Variants in INO80 observed in about 807,000 individuals in gnomAD.
INO80 encodes the protein INO80 complex ATPase subunit, also known as chromatin-remodeling ATPase INO80.
A neutral mutation model predicts 203.4 loss-of-function variants in INO80; 20 were observed. That is an observed-to-expected ratio of 0.10 (90% CI 0.07 to 0.14). INO80 has a LOEUF of 0.14. Among genes scored for constraint, INO80 ranks in the 10% least tolerant of loss-of-function variants. The pLI is 1.00. For missense variants in INO80, 1,419 were observed against 1,914.4 expected, an observed-to-expected ratio of 0.74 and a Z score of 4.83; for synonymous variants, 726 against 685.2, an observed-to-expected ratio of 1.06 and a Z score of -0.93.
chr15:41,043,244 T>C (rs992948233), intron 24 of INO80, among the ~76,000 whole-genome samples: 4 of 152,178 alleles, frequency 2.6e-5, no homozygotes, highest in East Asian at 3.8e-4. Context: ...ATGGTGCTTT[T>C]TGTATAAAAA....
chr15:41,013,877 T>A (rs2044166066), intron 27 of INO80, among the ~76,000 whole-genome samples: 1 of 152,212 alleles, frequency 6.6e-6, no homozygotes. Context: ...TTTCCCTAAT[T>A]TGGAATTCCC....
Position 40,987,158 on chromosome 15 carries a change from T to C in INO80, c.3765A>G (p.Lys1255=). 6.2e-7 allele frequency: 1 copy of C among 1,613,600 alleles called. No individual in the cohort carries two copies. Among genetic ancestry groups the C allele is most frequent in the Non-Finnish European group, 8.5e-7 (1 of 1,179,498 alleles). ...CCTCTTTGGGTTTCAAGGTATCTGG[T>C]TTGAAGTTCCCACCTGAAATCACCA... ...QRMVISGGNF[K]PDTLKPKEVV... The change falls in exon 31 of 36, where the codon AAA becomes AAG. Residue 1255 remains lysine (K), a synonymous_variant. Coordinates refer to ENST00000648947, the MANE Select transcript of INO80 (RefSeq NM_017553.3).
intron 24 of INO80, among the ~76,000 whole-genome samples, chr15:41,031,599 G>GAGGA (rs372470611): frequency 8.0e-4 from 1 of 1,254 alleles, no homozygotes; most frequent in African/African-American, 9.2e-4. Flanking sequence ...GGGAGGGAGG[G>GAGGA]AGGGAGGAAG....
chr15:40,998,109 C>T (rs934824990), intron 28 of INO80, among the ~76,000 whole-genome samples: 9 of 150,684 alleles, frequency 6.0e-5, no homozygotes, highest in Admixed American at 4.0e-4. Flanking sequence ...GCAACCTCTG[C>T]CTCCTGGGTT....
chr15:41,057,528 G>C (rs2045010016), intron 16 of INO80, among the ~76,000 whole-genome samples: 1 of 151,544 alleles, frequency 6.6e-6, no homozygotes, highest in Non-Finnish European at 1.5e-5. Context: ...TCCACAGAAG[G>C]GCTCACGCCT....
At chr15:41,029,481 G>A (rs898610508) in intron 24 of INO80, among the ~76,000 whole-genome samples, 1 of 152,200 alleles carries the variant, frequency 6.6e-6, no homozygotes, top group South Asian at 2.1e-4. Context: ...GTCTTTAGGT[G>A]GTTTCTGACT....
intron 19 of INO80, among the ~76,000 whole-genome samples, chr15:41,053,102 C>CT: frequency 6.6e-6 from 1 of 152,076 alleles, no homozygotes; most frequent in Non-Finnish European, 1.5e-5. Flanking sequence ...TGCTTGTATC[C>CT]TTATTCTGAC....
intron 1 of INO80, among the ~76,000 whole-genome samples, chr15:41,115,178 A>T (rs2046012661): frequency 6.6e-6 from 1 of 152,204 alleles, no homozygotes; most frequent in South Asian, 2.1e-4. Context: ...CCCCATTTCT[A>T]ACAAGTACAT....
chr15:40,985,454 T>C, intron 31 of INO80, 28 bp from the exon 32 acceptor site: 1 of 1,340,594 alleles, frequency 7.5e-7, no homozygotes, highest in East Asian at 2.3e-5. Flanking sequence ...TAAGACCTGA[T>C]GAAGTACCTG....
rs533533296 is a variant in INO80, at chr15:41,069,794, A to G, written c.1687-129T>C. 48 of 604,332 alleles carry G rather than the reference A, an allele frequency of 7.9e-5. No individual in the cohort carries two copies. The South Asian group carries it at 9.3e-4, about 12-fold the overall frequency. 37.4% of individuals were successfully genotyped at this position (604,332 alleles called of 1,614,324 possible). A position where few individuals can be genotyped will look rare whatever the true frequency, so the allele number is the denominator to read the frequency against. On this transcript the variant is annotated intron_variant, in intron 13 of 35. Transcript: ENST00000648947. ...CAAGAGAAACAGTGAGTAAATCCCA[A>G]ATCTGCACATTCAATAGTAATATCC...
At chr15:41,003,518 C>T (rs1035422204) in intron 28 of INO80, among the ~76,000 whole-genome samples, 1 of 151,448 alleles carries the variant, frequency 6.6e-6, no homozygotes, top group Non-Finnish European at 1.5e-5. Context: ...TTAGTAGAGA[C>T]GGGGTTTCAC....
At chr15:40,991,602 G>A (rs1596238999) in intron 29 of INO80, among the ~76,000 whole-genome samples, 1 of 152,144 alleles carries the variant, frequency 6.6e-6, no homozygotes, top group African/African-American at 2.4e-5. Context: ...GCGTGGCCCA[G>A]CAGTGACTAA....
At chr15:41,078,648 T>C (rs1168504612) in intron 9 of INO80, among the ~76,000 whole-genome samples, 2 of 152,174 alleles carry the variant, frequency 1.3e-5, no homozygotes, top group Admixed American at 6.6e-5. Flanking sequence ...TTACTACATA[T>C]ACCTGAAAGA....
At chr15:41,086,191 A>G (rs1449342597) in intron 6 of INO80, among the ~76,000 whole-genome samples, 3 of 152,176 alleles carry the variant, frequency 2.0e-5, no homozygotes, top group Non-Finnish European at 4.4e-5. Context: ...AAAGAAAAAT[A>G]AAAGAGAAGA....
chr15:41,011,555 AGTT>A (rs1244056758), intron 27 of INO80: 1 of 152,080 alleles, frequency 6.6e-6, no homozygotes, highest in East Asian at 1.9e-4. Flanking sequence ...TAAGAACTCT[AGTT>A]AACAGTGGCC....
At chr15:41,018,840 G>C (rs1040090567) in intron 26 of INO80, 10 of 152,316 alleles carry the variant, frequency 6.6e-5, no homozygotes, top group African/African-American at 2.4e-4. Flanking sequence ...TGGAAATCCA[G>C]CTGATTCTGC....
intron 29 of INO80, among the ~76,000 whole-genome samples, chr15:40,994,517 C>T (rs1453786142): frequency 6.7e-6 from 1 of 150,128 alleles, no homozygotes; most frequent in African/African-American, 2.5e-5. Context: ...GCGCCCACCA[C>T]CAAGCTCAGC....
At chr15:41,072,706 T>A (rs2045342524) in intron 11 of INO80, among the ~76,000 whole-genome samples, 1 of 149,754 alleles carries the variant, frequency 6.7e-6, no homozygotes, top group Non-Finnish European at 1.5e-5. Flanking sequence ...ATTACTTAAG[T>A]GAAAGAAGGC....
At chr15:40,982,043 C>T (rs1250436746) in intron 35 of INO80, among the ~76,000 whole-genome samples, 1 of 152,226 alleles carries the variant, frequency 6.6e-6, no homozygotes, top group African/African-American at 2.4e-5. Flanking sequence ...TCTTTTCATT[C>T]CCCTGTATTT....
Sources: allele counts gnomAD v4.1 joint callset (sites outside exome capture counted in the v4.1 genomes callset), GRCh38; gene constraint gnomAD v4.1.1; transcripts MANE v1.5; gene names NCBI Gene and HGNC (gene_info 2026-07-23, HGNC 2026-07-21).